The following PTER variants were observed in gnomAD, a reference collection of about 807,000 sequenced individuals.
The protein encoded by PTER is phosphotriesterase related.
PTER carries 38 observed loss-of-function variants against 29.6 expected under a neutral mutation model. That is an observed-to-expected ratio of 1.28 (90% CI 0.99 to 1.68). The LOEUF is 1.68. Among genes scored for constraint, PTER ranks in the 40% most tolerant of loss-of-function variants. The pLI is 0.00. For synonymous variants in PTER, 172 were observed against 154.5 expected, an observed-to-expected ratio of 1.11 and a Z score of -0.84; for missense variants, 482 against 427.8, an observed-to-expected ratio of 1.13 and a Z score of -1.12.
intron 3 of PTER, among the ~76,000 whole-genome samples, chr10:16,496,157 CATTT>C (rs1836089339): frequency 6.6e-6 from 1 of 152,198 alleles, no homozygotes; most frequent in Admixed American, 6.5e-5. Flanking sequence ...TTCAGCCCCT[CATTT>C]ATCATTTGAA....
At chr10:16,467,118 T>G (rs954737121) in intron 1 of PTER, among the ~76,000 whole-genome samples, 1 of 152,328 alleles carries the variant, frequency 6.6e-6, no homozygotes, top group Non-Finnish European at 1.5e-5. Context: ...TGGTTTTGCT[T>G]TTTGTGGTTT....
intron 1 of PTER, among the ~76,000 whole-genome samples, chr10:16,458,166 A>G (rs1384009290): frequency 6.6e-6 from 1 of 152,152 alleles, no homozygotes; most frequent in Non-Finnish European, 1.5e-5. Context: ...TTGTAGGAAG[A>G]CCTGACTGCA....
Position 16,486,452 on chromosome 10 carries a change from A to C in PTER, c.533A>C (p.Glu178Ala). ...ATTGGTTGCTCCTGGCCTTTGACTG[A>C]GAGTGAAAGAAAGGTTCTCCAGGCC... ...GEIGCSWPLT[E>A]SERKVLQATA... The change falls in exon 3 of 5, where the codon GAG becomes GCG. Residue 178 changes from glutamate (E) to alanine (A), a missense_variant. Glu to Ala is a moderately radical substitution (Grantham distance 107, BLOSUM62 -1). Transcript: ENST00000535784. 1 of 1,614,054 alleles carries C rather than the reference A, an allele frequency of 6.2e-7. No homozygotes were observed. The highest frequency in any genetic ancestry group is 8.5e-7 in the Non-Finnish European group (1 of 1,179,976).
At chr10:16,487,552 C>T (rs767817407) in intron 3 of PTER, among the ~76,000 whole-genome samples, 1 of 152,170 alleles carries the variant, frequency 6.6e-6, no homozygotes, top group Non-Finnish European at 1.5e-5. Flanking sequence ...AATAATGTCA[C>T]TTTCAGAGGT....
In PTER at chr10:16,511,049, G is replaced by T. The variant is rs548093217; in HGVS notation, c.843G>T (p.Val281=). Residue 281 remains valine, a synonymous_variant, in exon 5 of 5, where the codon GTG becomes GTT. Coordinates refer to ENST00000535784, the MANE Select transcript of PTER (RefSeq NM_001261836.2). ...MPDDNKRIRR[V]RLLVEEGCED... ...AATGAGTTAACATTTTTCACAGGGT[G>T]CGTCTCCTGGTGGAAGAGGGCTGTG... 7 of 1,611,830 alleles carry T rather than the reference G, an allele frequency of 4.3e-6. No homozygotes were observed. Among genetic ancestry groups the T allele is most frequent in the Non-Finnish European group, 5.9e-6 (7 of 1,178,828 alleles).
At chr10:16,485,256 T>C (rs1835651343) in intron 2 of PTER, among the ~76,000 whole-genome samples, 4 of 152,164 alleles carry the variant, frequency 2.6e-5, no homozygotes, top group South Asian at 4.1e-4. Flanking sequence ...AACTTGGCAG[T>C]CAAAGACTTG....
At chr10:16,508,754 T>C (rs931045154) in intron 4 of PTER, among the ~76,000 whole-genome samples, 1 of 152,194 alleles carries the variant, frequency 6.6e-6, no homozygotes, top group African/African-American at 2.4e-5. Flanking sequence ...TAATCTTCCT[T>C]AAATTAAACC....
intron 1 of PTER, among the ~76,000 whole-genome samples, chr10:16,441,716 G>A (rs972522980): frequency 1.1e-4 from 17 of 152,168 alleles, no homozygotes; most frequent in Admixed American, 4.6e-4. Flanking sequence ...TATGTTGTTC[G>A]GGGCATGACC....
At chr10:16,467,095 G>A (rs1338054522) in intron 1 of PTER, among the ~76,000 whole-genome samples, 5 of 152,048 alleles carry the variant, frequency 3.3e-5, no homozygotes, top group African/African-American at 9.7e-5. Context: ...TTACACTACT[G>A]TCCCCTTATC....
chr10:16,459,540 A>G (rs1364468455), intron 1 of PTER, among the ~76,000 whole-genome samples: 1 of 152,160 alleles, frequency 6.6e-6, no homozygotes, highest in Non-Finnish European at 1.5e-5. Context: ...ACATTTAGGA[A>G]CTACAGGACT....
At chr10:16,493,700 G>A (rs1835989014) in intron 3 of PTER, among the ~76,000 whole-genome samples, 1 of 151,800 alleles carries the variant, frequency 6.6e-6, no homozygotes, top group African/African-American at 2.4e-5. Flanking sequence ...GAGGGAGGGA[G>A]GCAGAAAGGA....
intron 1 of PTER, among the ~76,000 whole-genome samples, chr10:16,465,615 C>T (rs1411877): frequency 0.61 from 92,713 of 151,990 alleles, 29,166 homozygotes; most frequent in East Asian, 0.81. Context: ...CAGTATGGAA[C>T]TGAAGGGTGG....
intron 1 of PTER, among the ~76,000 whole-genome samples, chr10:16,460,039 C>T (rs1307602202): frequency 2.0e-5 from 3 of 152,196 alleles, no homozygotes; most frequent in Non-Finnish European, 4.4e-5. Flanking sequence ...GGGGCTGCTG[C>T]ACCCAGCCCA....
intron 1 of PTER, among the ~76,000 whole-genome samples, chr10:16,456,018 A>G (rs997488644): frequency 6.6e-6 from 1 of 152,172 alleles, no homozygotes; most frequent in African/African-American, 2.4e-5. Context: ...GACAGGGAAA[A>G]TGAACAACCA....
intron 1 of PTER, among the ~76,000 whole-genome samples, chr10:16,473,802 A>G (rs990258682): frequency 6.6e-6 from 1 of 152,236 alleles, no homozygotes; most frequent in African/African-American, 2.4e-5. Context: ...ACTGTGGAGC[A>G]TTTAAAAGCT....
Position 16,477,806 on chromosome 10 carries a change from AAC to A in PTER, c.-48-6529_-48-6528del, listed in dbSNP as rs376065553. ...GAATATAGATATTTTACATGTTTAA[AAC>A]ATTTGTCTGTAGTTTGCCAGGACTT... On this transcript the variant is annotated intron_variant, in intron 1 of 4. Transcript: ENST00000535784. Among the ~76,000 whole-genome samples, 45 of 152,326 alleles carry A rather than the reference AAC, an allele frequency of 3.0e-4. 1 individual carries two copies. The highest frequency in any genetic ancestry group is 1.1e-3 in the African/African-American group (44 of 41,568).
chr10:16,514,325 C>T (rs1166141619), downstream of PTER: 1 of 582,126 alleles, frequency 1.7e-6, no homozygotes, highest in Non-Finnish European at 3.0e-6. Flanking sequence ...GGTAGTGGAT[C>T]ACACATCTGC....
intron 1 of PTER, among the ~76,000 whole-genome samples, chr10:16,438,925 A>AAAG (rs1200633314): frequency 6.8e-6 from 1 of 146,020 alleles, no homozygotes; most frequent in Non-Finnish European, 1.5e-5. Flanking sequence ...TGTCTCAAAA[A>AAAG]AAAAAAAAAA....
intron 3 of PTER, among the ~76,000 whole-genome samples, chr10:16,490,129 C>G (rs1185547634): frequency 6.6e-6 from 1 of 152,166 alleles, no homozygotes; most frequent in Non-Finnish European, 1.5e-5. Context: ...GCTCAGAACC[C>G]TTACATTAGC....
Sources: allele counts gnomAD v4.1 joint callset (sites outside exome capture counted in the v4.1 genomes callset), GRCh38; gene constraint gnomAD v4.1.1; transcripts MANE v1.5; gene names NCBI Gene and HGNC (gene_info 2026-07-23, HGNC 2026-07-21).